The following AGBL4 variants were observed in gnomAD, a reference collection of about 807,000 sequenced individuals.
AGBL4 encodes cytosolic carboxypeptidase 6.
AGBL4 carries 58 observed loss-of-function variants against 66.4 expected under a neutral mutation model. The ratio of observed to expected loss-of-function variants is 0.87; its 90% CI spans 0.71 to 1.09. The LOEUF (loss-of-function observed/expected upper bound fraction) is 1.09, where lower values mean the gene tolerates loss of function less well. Among genes scored for constraint, AGBL4 ranks in the 50% least tolerant of loss-of-function variants. The probability of loss-of-function intolerance (pLI) is 0.00; values close to 1 mark genes in which losing one functional copy is unlikely to be tolerated. For synonymous variants in AGBL4, 234 were observed against 222.9 expected (o/e 1.05, Z -0.44); for missense variants, 579 against 631.0 (o/e 0.92, Z 0.88).
At chr1:49,751,731 G>A (rs1217249315) in intron 2 of AGBL4, among the ~76,000 whole-genome samples, 1 of 152,132 alleles carries the variant, frequency 6.6e-6, no homozygotes, top group Non-Finnish European at 1.5e-5. Flanking sequence ...TGGTTGGTAG[G>A]CTATTAATTA....
At chr1:49,723,984 G>A (rs1009225880) in intron 2 of AGBL4, among the ~76,000 whole-genome samples, 25 of 152,156 alleles carry the variant, frequency 1.6e-4, no homozygotes, top group Non-Finnish European at 3.7e-4. Flanking sequence ...GCTTACCAGA[G>A]AAGTCCAATA....
chr1:49,623,687 C>T (rs1645409633), intron 3 of AGBL4, among the ~76,000 whole-genome samples: 1 of 152,142 alleles, frequency 6.6e-6, no homozygotes, highest in Non-Finnish European at 1.5e-5. Context: ...ACCAAAAATA[C>T]AGTGTTGTGA....
At chr1:49,187,617 T>C (rs538920204) in intron 4 of AGBL4, 1 of 152,222 alleles carries the variant, frequency 6.6e-6, no homozygotes, top group Admixed American at 6.5e-5. Flanking sequence ...TCATGTCATG[T>C]CACTCCTTTG....
chr1:49,615,218 A>G (rs1332486252), intron 3 of AGBL4, among the ~76,000 whole-genome samples: 1 of 152,120 alleles, frequency 6.6e-6, no homozygotes, highest in African/African-American at 2.4e-5. Context: ...TCCAAAGGAG[A>G]GGGCAAAGGA....
Position 48,590,500 on chromosome 1 carries a change from G to A in AGBL4, c.1104+333C>T, listed in dbSNP as rs375116063. On this transcript the variant is annotated intron_variant, in intron 10 of 13. Coordinates refer to ENST00000371839, the MANE Select transcript of AGBL4 (RefSeq NM_032785.4). ...GATCTTGGGAGATAGAGGCTGCAGTGAGCCATGATCATACCACTGCACCCC... is the reference window on the plus strand; with the variant it reads ...GATCTTGGGAGATAGAGGCTGCAGTAAGCCATGATCATACCACTGCACCCC... Among the ~76,000 whole-genome samples the A allele has an allele frequency of 2.5e-3, 374 of 152,024 alleles. 4 individuals are homozygous for A. The highest frequency in any genetic ancestry group is 8.3e-3 in the African/African-American group (342 of 41,452).
intron 2 of AGBL4, among the ~76,000 whole-genome samples, chr1:49,782,261 T>G (rs558637204): frequency 6.6e-6 from 1 of 151,956 alleles, no homozygotes; most frequent in Admixed American, 6.5e-5. Flanking sequence ...CTATTAAAAT[T>G]AAGAATAAAA....
intron 4 of AGBL4, among the ~76,000 whole-genome samples, chr1:49,158,535 T>C (rs960401800): frequency 6.6e-6 from 1 of 152,176 alleles, no homozygotes; most frequent in African/African-American, 2.4e-5. Context: ...GAGAAGAATG[T>C]ATATTCTGTT....
chr1:49,363,031 G>T (rs892194600), intron 3 of AGBL4, among the ~76,000 whole-genome samples: 2 of 152,114 alleles, frequency 1.3e-5, no homozygotes, highest in African/African-American at 4.8e-5. Flanking sequence ...AACAGTCAAG[G>T]TCTCCTGGAT....
chr1:49,947,787 G>A (rs1230452859), intron 1 of AGBL4, among the ~76,000 whole-genome samples: 1 of 148,590 alleles, frequency 6.7e-6, no homozygotes, highest in Non-Finnish European at 1.5e-5. Flanking sequence ...TGTATACCTA[G>A]AAAACCCTAA....
At chr1:50,018,878 C>T (rs1177615465) in intron 1 of AGBL4, among the ~76,000 whole-genome samples, 1 of 152,078 alleles carries the variant, frequency 6.6e-6, no homozygotes, top group Non-Finnish European at 1.5e-5. Flanking sequence ...ATATTTTAAA[C>T]TTTTGAAAAT....
At chr1:48,846,693 A>G (rs562302655) in intron 6 of AGBL4, among the ~76,000 whole-genome samples, 1 of 152,346 alleles carries the variant, frequency 6.6e-6, no homozygotes, top group East Asian at 1.9e-4. Context: ...ATGCAGATAT[A>G]AGGGAATAGT....
intron 2 of AGBL4, among the ~76,000 whole-genome samples, chr1:49,698,221 T>C (rs902185250): frequency 6.7e-6 from 1 of 149,634 alleles, no homozygotes; most frequent in African/African-American, 2.6e-5. Flanking sequence ...TAAGCAACTT[T>C]AGACAATTCA....
At chr1:48,948,848 A>T (rs1203749672) in intron 5 of AGBL4, among the ~76,000 whole-genome samples, 1 of 152,130 alleles carries the variant, frequency 6.6e-6, no homozygotes, top group East Asian at 1.9e-4. Flanking sequence ...CATTGACATA[A>T]GAGATACATG....
chr1:49,320,409 G>T (rs1185220043), intron 3 of AGBL4, among the ~76,000 whole-genome samples: 1 of 152,186 alleles, frequency 6.6e-6, no homozygotes, highest in Non-Finnish European at 1.5e-5. Flanking sequence ...GGACAGTAAA[G>T]TAGACAAGTA....
At chr1:49,288,673 A>C (rs1355668308) in intron 3 of AGBL4, among the ~76,000 whole-genome samples, 1 of 152,192 alleles carries the variant, frequency 6.6e-6, no homozygotes, top group Non-Finnish European at 1.5e-5. Flanking sequence ...AAAGTGCTGC[A>C]GAAAGACAGT....
chr1:49,289,782 G>T (rs145102648), intron 3 of AGBL4, among the ~76,000 whole-genome samples: 33 of 152,186 alleles, frequency 2.2e-4, no homozygotes, highest in Middle Eastern at 6.8e-3. Flanking sequence ...TAAAATAAAT[G>T]ATCTAAGCTC....
At chr1:49,839,091 T>C (rs1645925257) in intron 2 of AGBL4, among the ~76,000 whole-genome samples, 1 of 152,210 alleles carries the variant, frequency 6.6e-6, no homozygotes, top group Non-Finnish European at 1.5e-5. Flanking sequence ...CCATCATTCT[T>C]AGAGGAAAAT....
intron 1 of AGBL4, among the ~76,000 whole-genome samples, chr1:49,884,973 G>T (rs1647861790): frequency 6.6e-6 from 1 of 151,740 alleles, no homozygotes; most frequent in South Asian, 2.1e-4. Flanking sequence ...GTAAATTTTT[G>T]ATATTTAAAT....
chr1:49,266,886 AG>A (rs1243940240), intron 3 of AGBL4, among the ~76,000 whole-genome samples: 1 of 152,208 alleles, frequency 6.6e-6, no homozygotes, highest in Non-Finnish European at 1.5e-5. Context: ...TTTTAATTGT[AG>A]GTGTGAAAGG....
Sources: gnomAD v4.1 joint callset for allele counts (sites outside exome capture counted in the v4.1 genomes callset) on GRCh38, gnomAD v4.1.1 for gene constraint, MANE v1.5 for transcripts, NCBI Gene and HGNC (gene_info 2026-07-23, HGNC 2026-07-21) for gene names.